Variants in MYCT1 observed in about 807,000 individuals in gnomAD.
The protein encoded by MYCT1 is MYC target 1.
MYCT1 carries 12 observed loss-of-function variants against 15.0 expected under a neutral mutation model. That is an observed-to-expected ratio of 0.80 (90% confidence interval 0.51 to 1.29). MYCT1 has a LOEUF of 1.29. Ranked by LOEUF, MYCT1 falls within the 50% of genes most tolerant of loss-of-function variation. The probability of loss-of-function intolerance (pLI) is 0.00; values close to 1 mark genes in which losing one functional copy is unlikely to be tolerated. For missense variants in MYCT1, 287 were observed against 279.1 expected (o/e 1.03, Z -0.20); for synonymous variants, 104 against 102.7 (o/e 1.01, Z -0.07).
At chr6:152,732,952 A>G in the MYCT1 span, among the ~76,000 whole-genome samples, 7 of 152,232 alleles carry the variant, frequency 4.6e-5, no homozygotes, top group Admixed American at 2.0e-4. Context: ...CTGGGCATAC[A>G]CATGGCCCTT....
chr6:152,746,485 ATTTCTGGAAT>A, the MYCT1 span, among the ~76,000 whole-genome samples: 1 of 152,216 alleles, frequency 6.6e-6, no homozygotes, highest in Non-Finnish European at 1.5e-5. Flanking sequence ...TAAATGGTTT[ATTTCTGGAAT>A]TTTCCATTAA....
At chr6:152,728,667 A>G (rs889237241), downstream of MYCT1, among the ~76,000 whole-genome samples, 1 of 152,160 alleles carries the variant, frequency 6.6e-6, no homozygotes, top group Non-Finnish European at 1.5e-5. Flanking sequence ...AGTGTGAGGC[A>G]GGAGGATCAC....
At chr6:152,719,449 G>T (rs931364004) in intron 1 of MYCT1, among the ~76,000 whole-genome samples, 2 of 152,112 alleles carry the variant, frequency 1.3e-5, no homozygotes, top group Non-Finnish European at 2.9e-5. Context: ...GGGACTATGG[G>T]CTTGTTACTT....
chr6:152,698,447 T>G (rs1387903647), intron 1 of MYCT1, among the ~76,000 whole-genome samples: 1 of 152,090 alleles, frequency 6.6e-6, no homozygotes, highest in Non-Finnish European at 1.5e-5. Context: ...CTGCTTAGAA[T>G]ATGGCATGTA....
At chr6:152,704,487 G>T (rs1278069723) in intron 1 of MYCT1, among the ~76,000 whole-genome samples, 1 of 151,904 alleles carries the variant, frequency 6.6e-6, no homozygotes, top group Admixed American at 6.6e-5. Context: ...TCACATAATT[G>T]TACATACTTA....
chr6:152,707,672 A>G (rs993765613), intron 1 of MYCT1, among the ~76,000 whole-genome samples: 5 of 152,020 alleles, frequency 3.3e-5, no homozygotes, highest in East Asian at 3.9e-4. Flanking sequence ...TGATTTTTCT[A>G]TATAGTATGA....
the MYCT1 span, among the ~76,000 whole-genome samples, chr6:152,737,858 A>G: frequency 5.1e-4 from 78 of 152,208 alleles, 2 homozygotes; most frequent in South Asian, 0.016. Flanking sequence ...TGTAGGAAGT[A>G]TTGTTTCACT....
chr6:152,702,157 G>T (rs906237152), intron 1 of MYCT1, among the ~76,000 whole-genome samples: 1 of 152,064 alleles, frequency 6.6e-6, no homozygotes, highest in African/African-American at 2.4e-5. Flanking sequence ...ATTCTATATA[G>T]CTCTTCTCTT....
chr6:152,701,768 T>C (rs1168038541), intron 1 of MYCT1, among the ~76,000 whole-genome samples: 3 of 152,188 alleles, frequency 2.0e-5, no homozygotes, highest in Non-Finnish European at 2.9e-5. Flanking sequence ...TGTGTAATAT[T>C]AGCTAACAGC....
At chr6:152,716,399 T>C (rs1211156242) in intron 1 of MYCT1, among the ~76,000 whole-genome samples, 1 of 152,302 alleles carries the variant, frequency 6.6e-6, no homozygotes, top group Middle Eastern at 3.4e-3. Flanking sequence ...ATTGAACTTA[T>C]GATTCTTAAC....
chr6:152,741,471 T>C, the MYCT1 span, among the ~76,000 whole-genome samples: 30,306 of 152,064 alleles, frequency 0.2, 3,469 homozygotes, highest in African/African-American at 0.32. Context: ...CAACTTATAA[T>C]GTACCAGGTA....
downstream of MYCT1, among the ~76,000 whole-genome samples, chr6:152,726,055 C>A (rs139485867): frequency 5.9e-4 from 90 of 152,232 alleles, no homozygotes; most frequent in African/African-American, 2.1e-3. Flanking sequence ...TTACTCATAT[C>A]TTTTTACAAT....
At chr6:152,731,285 G>T in the MYCT1 span, among the ~76,000 whole-genome samples, 1 of 152,076 alleles carries the variant, frequency 6.6e-6, no homozygotes, top group African/African-American at 2.4e-5. Context: ...TAAATTTTTT[G>T]TGTGTGTTTA....
the MYCT1 span, among the ~76,000 whole-genome samples, chr6:152,731,684 A>C: frequency 6.6e-6 from 1 of 151,696 alleles, no homozygotes; most frequent in East Asian, 1.9e-4. Flanking sequence ...TCCATACTTT[A>C]AATTATTGAA....
the MYCT1 span, among the ~76,000 whole-genome samples, chr6:152,741,890 T>C: frequency 6.6e-6 from 1 of 152,150 alleles, no homozygotes; most frequent in Admixed American, 6.5e-5. Context: ...ATTTCAGTAA[T>C]AGCCATCCTG....
the MYCT1 span, among the ~76,000 whole-genome samples, chr6:152,734,678 A>G: frequency 2.0e-5 from 3 of 151,250 alleles, no homozygotes; most frequent in Non-Finnish European, 4.4e-5. Flanking sequence ...TTTTTTTTTT[A>G]GGAAAATGTT....
chr6:152,733,307 T>C, the MYCT1 span, among the ~76,000 whole-genome samples: 1 of 152,080 alleles, frequency 6.6e-6, no homozygotes, highest in African/African-American at 2.4e-5. Flanking sequence ...TTTTACCATG[T>C]TGCCAGGCTG....
chr6:152,733,817 T>G, the MYCT1 span, among the ~76,000 whole-genome samples: 122 of 152,316 alleles, frequency 8.0e-4, no homozygotes, highest in Middle Eastern at 3.4e-3. Flanking sequence ...TTGCTTTTCT[T>G]GAATAAATGC....
At chr6:152,726,637 T>C (rs186385014), downstream of MYCT1, among the ~76,000 whole-genome samples, 19 of 152,286 alleles carry the variant, frequency 1.2e-4, no homozygotes, top group African/African-American at 4.1e-4. Flanking sequence ...ATGCTAGTCC[T>C]TTTTTATTTT....
Sources: gnomAD v4.1 joint callset for allele counts (sites outside exome capture counted in the v4.1 genomes callset) on GRCh38, gnomAD v4.1.1 for gene constraint, MANE v1.5 for transcripts, NCBI Gene and HGNC (gene_info 2026-07-23, HGNC 2026-07-21) for gene names.